The following KALRN variants were observed in gnomAD, a reference collection of about 807,000 sequenced individuals.
The protein encoded by KALRN is kalirin RhoGEF kinase, also known as kalirin.
KALRN carries 70 observed loss-of-function variants against 353.7 expected under a neutral mutation model. The ratio of observed to expected loss-of-function variants is 0.20; its 90% CI spans 0.16 to 0.24. The LOEUF (loss-of-function observed/expected upper bound fraction) is 0.24, where lower values mean the gene tolerates loss of function less well. KALRN is among the 10% of genes least tolerant of loss of function. KALRN has a pLI of 1.00. For missense variants in KALRN, 2,791 were observed against 3,756.7 expected, an observed-to-expected ratio of 0.74 and a Z score of 6.72; for synonymous variants, 1,391 against 1,434.8, an observed-to-expected ratio of 0.97 and a Z score of 0.69.
intron 10 of KALRN, among the ~76,000 whole-genome samples, chr3:124,348,440 G>A (rs2082495826): frequency 6.6e-6 from 1 of 152,174 alleles, no homozygotes. Flanking sequence ...TGCATCTCTA[G>A]GGGAGCTGCA....
rs181959088 is a variant in KALRN at position 124,483,501 on chromosome 3, G to A, written c.4284+601G>A. On this transcript the variant is annotated intron_variant, in intron 28 of 59. Transcript: ENST00000682506. ...CAGGAGGCGGAGGTTGCAGTGATCC[G>A]AGATCGTGTCACTGAACTGCAGCCT... is the stretch of plus-strand genomic sequence containing the variant. Among the ~76,000 whole-genome samples, 487 of 152,252 alleles carry A rather than the reference G, an allele frequency of 3.2e-3. 2 individuals carry two copies. Among genetic ancestry groups the A allele is most frequent in the Non-Finnish European group, 5.4e-3 (365 of 68,014 alleles).
chr3:124,567,248 C>T (rs2072965199), intron 34 of KALRN, among the ~76,000 whole-genome samples: 1 of 152,134 alleles, frequency 6.6e-6, no homozygotes, highest in Non-Finnish European at 1.5e-5. Context: ...AGCCCGGTCT[C>T]CTCTCTTCCA....
intron 14 of KALRN, 76 bp downstream of exon 14, chr3:124,413,741 G>A: frequency 9.0e-7 from 1 of 1,112,770 alleles, no homozygotes; most frequent in Admixed American, 2.4e-5. Context: ...AAGGAGCAGT[G>A]CCACATCGTT....
chr3:124,331,455 C>A (rs367659755), intron 8 of KALRN, among the ~76,000 whole-genome samples: 3 of 152,076 alleles, frequency 2.0e-5, no homozygotes, highest in African/African-American at 7.2e-5. Flanking sequence ...ATCATTGTAC[C>A]CAACAAAAAT....
chr3:124,327,046 A>G (rs2079989220), intron 7 of KALRN, among the ~76,000 whole-genome samples: 1 of 152,214 alleles, frequency 6.6e-6, no homozygotes, highest in South Asian at 2.1e-4. Flanking sequence ...TGGTGATGTC[A>G]CATTGGTAGC....
At chr3:124,695,345 A>G (rs1448345847) in intron 53 of KALRN, among the ~76,000 whole-genome samples, 1 of 152,244 alleles carries the variant, frequency 6.6e-6, no homozygotes, top group Non-Finnish European at 1.5e-5. Context: ...AAGCACCTAG[A>G]ATCAAGAAAC....
chr3:124,225,710 G>A (rs1290648858), intron 1 of KALRN, among the ~76,000 whole-genome samples: 1 of 152,190 alleles, frequency 6.6e-6, no homozygotes, highest in African/African-American at 2.4e-5. Context: ...AGAGGAGATA[G>A]GATGGGGAAC....
intron 10 of KALRN, among the ~76,000 whole-genome samples, chr3:124,382,631 A>C (rs898331068): frequency 1.8e-4 from 27 of 152,146 alleles, no homozygotes; most frequent in African/African-American, 6.5e-4. Flanking sequence ...CCTAATTTGC[A>C]AGCAAGCTCA....
intron 1 of KALRN, among the ~76,000 whole-genome samples, chr3:124,217,538 A>C (rs2077457032): frequency 1.3e-5 from 2 of 151,380 alleles, no homozygotes; most frequent in Non-Finnish European, 2.9e-5. Flanking sequence ...AAACAATACC[A>C]AAAAAACCTC....
At chr3:124,360,622 A>C (rs1347532822) in intron 10 of KALRN, among the ~76,000 whole-genome samples, 1 of 152,246 alleles carries the variant, frequency 6.6e-6, no homozygotes, top group Admixed American at 6.5e-5. Flanking sequence ...AAGGAAAGCT[A>C]TTCCAGAGGA....
At chr3:124,641,847 TC>T (rs1374207806) in intron 37 of KALRN, among the ~76,000 whole-genome samples, 1 of 152,172 alleles carries the variant, frequency 6.6e-6, no homozygotes, top group Non-Finnish European at 1.5e-5. Context: ...AGTTTGACAG[TC>T]TATACAATTT....
intron 26 of KALRN, 121 bp from the exon 27 acceptor site, chr3:124,477,124 A>C (rs1311445666): frequency 1.7e-6 from 1 of 596,228 alleles, no homozygotes; most frequent in Non-Finnish European, 3.0e-6. Flanking sequence ...TTTGCCATAG[A>C]AAATCTAGAC....
In KALRN at chr3:124,591,058, T is replaced by C. The variant is rs576542823; in HGVS notation, c.5182+27969T>C. Among the ~76,000 whole-genome samples, 4 of 152,128 alleles carry C rather than the reference T, an allele frequency of 2.6e-5. No homozygotes were observed. The South Asian group carries it at 8.3e-4, about 32-fold the overall frequency. On this transcript the variant is annotated intron_variant, in intron 34 of 59. Coordinates refer to ENST00000682506, the MANE Select transcript of KALRN (RefSeq NM_001388419.1). Reference sequence around the variant, plus strand: ...ACTCTAAATCGGGTGTTGACTGTGTTGATCTGTTGTTTCTGGGGGTGAATG... The same window carrying C: ...ACTCTAAATCGGGTGTTGACTGTGTCGATCTGTTGTTTCTGGGGGTGAATG...
chr3:124,194,578 C>T (rs2075250230), intron 1 of KALRN, among the ~76,000 whole-genome samples: 1 of 152,196 alleles, frequency 6.6e-6, no homozygotes, highest in Admixed American at 6.5e-5. Flanking sequence ...TGAATAACTT[C>T]CATGTAAACA....
Position 124,526,343 on chromosome 3 carries a change from C to T in KALRN, c.4935+29930C>T, listed in dbSNP as rs922378123. Among the ~76,000 whole-genome samples the T allele has an allele frequency of 1.1e-4, 16 of 152,122 alleles. No homozygotes were observed. The East Asian group carries it at 2.7e-3, about 26-fold the overall frequency. Reference sequence around the variant, plus strand: ...ATCCTAGCACTTTGGGAGGCTGAGGCGGGCAGATCACTTGAGCCCAGGAGT... The same window carrying T: ...ATCCTAGCACTTTGGGAGGCTGAGGTGGGCAGATCACTTGAGCCCAGGAGT... On this transcript the variant is annotated intron_variant, in intron 33 of 59. Transcript: ENST00000682506.
intron 3 of KALRN, among the ~76,000 whole-genome samples, chr3:124,256,380 T>C (rs996099128): frequency 1.3e-5 from 2 of 152,176 alleles, no homozygotes; most frequent in Admixed American, 6.5e-5. Flanking sequence ...AGAGCTGGGA[T>C]AATAGTAGCA....
At chr3:124,170,193 A>G (rs1024362517) in intron 1 of KALRN, among the ~76,000 whole-genome samples, 2 of 152,216 alleles carry the variant, frequency 1.3e-5, no homozygotes, top group African/African-American at 2.4e-5. Context: ...CTTTACCCCA[A>G]GGAACCTTTA....
intron 10 of KALRN, among the ~76,000 whole-genome samples, chr3:124,368,447 G>C (rs1232218068): frequency 1.4e-5 from 2 of 144,558 alleles, no homozygotes; most frequent in Non-Finnish European, 3.0e-5. Flanking sequence ...GAGGCGCTCC[G>C]CACATCTCAG....
At chr3:124,106,697 G>A (rs1231429338) in intron 1 of KALRN, among the ~76,000 whole-genome samples, 2 of 152,154 alleles carry the variant, frequency 1.3e-5, no homozygotes, top group African/African-American at 4.8e-5. Context: ...GGAAACTGAG[G>A]CTCAAAGAAA....
Sources: gnomAD v4.1 joint callset for allele counts (sites outside exome capture counted in the v4.1 genomes callset) on GRCh38, gnomAD v4.1.1 for gene constraint, MANE v1.5 for transcripts, NCBI Gene and HGNC (gene_info 2026-07-23, HGNC 2026-07-21) for gene names.